The following BBS9 variants were observed in gnomAD, a reference collection of about 807,000 sequenced individuals.
BBS9 encodes the protein protein PTHB1.
BBS9 carries 89 observed loss-of-function variants against 117.7 expected under a neutral mutation model. The ratio of observed to expected loss-of-function variants is 0.76; its 90% CI spans 0.64 to 0.90. The LOEUF is 0.90. Ranked by LOEUF, BBS9 falls within the 40% of genes least tolerant of loss-of-function variation. The probability of loss-of-function intolerance (pLI) is 0.00; values close to 1 mark genes in which losing one functional copy is unlikely to be tolerated. For synonymous variants in BBS9, 379 were observed against 370.9 expected, an observed-to-expected ratio of 1.02 and a Z score of -0.25; for missense variants, 982 against 1,042.2, an observed-to-expected ratio of 0.94 and a Z score of 0.80.
intron 19 of BBS9, among the ~76,000 whole-genome samples, chr7:33,505,224 A>T (rs1315413888): frequency 1.3e-5 from 2 of 151,932 alleles, no homozygotes; most frequent in Non-Finnish European, 2.9e-5. Flanking sequence ...TGCTAAGCTT[A>T]TTTTGTGGAT....
intron 20 of BBS9, among the ~76,000 whole-genome samples, chr7:33,522,230 A>G (rs1232442242): frequency 1.3e-5 from 2 of 152,220 alleles, no homozygotes; most frequent in African/African-American, 4.8e-5. Context: ...TCTTTATAGC[A>G]GCAAGATTTA....
intron 21 of BBS9, among the ~76,000 whole-genome samples, chr7:33,597,640 C>T (rs538482882): frequency 5.7e-4 from 87 of 151,918 alleles, no homozygotes; most frequent in African/African-American, 1.9e-3. Context: ...CTAGTTAGGA[C>T]GGCCAACTCA....
In BBS9 at chr7:33,265,027, G is replaced by T. The variant is rs534636711; in HGVS notation, c.702+653G>T. 5.9e-5 allele frequency among the ~76,000 whole-genome samples: 9 copies of T among 152,234 alleles called. 1 individual carries two copies. In the South Asian group the frequency reaches 1.9e-3, roughly 32 times the overall value. On this transcript the variant is annotated intron_variant, in intron 7 of 22. Coordinates refer to ENST00000242067, the MANE Select transcript of BBS9 (RefSeq NM_198428.3). ...AGTTTGAAGAAAAATTGTAAATGAT[G>T]AATTCTCCATTTATTGTAAATTGGG...
intron 5 of BBS9, among the ~76,000 whole-genome samples, chr7:33,206,741 T>G (rs1051254346): frequency 1.3e-5 from 2 of 152,100 alleles, no homozygotes; most frequent in African/African-American, 4.8e-5. Flanking sequence ...AAATTCTAAT[T>G]TTGTCAATTG....
At chr7:33,317,500 G>A (rs965527214) in intron 9 of BBS9, among the ~76,000 whole-genome samples, 14 of 151,514 alleles carry the variant, frequency 9.2e-5, no homozygotes, top group Non-Finnish European at 1.5e-4. Flanking sequence ...TCTTTTTAAA[G>A]CATATTTCTG....
At chr7:33,498,868 G>A (rs187550580) in intron 19 of BBS9, among the ~76,000 whole-genome samples, 22 of 152,194 alleles carry the variant, frequency 1.4e-4, no homozygotes, top group Non-Finnish European at 2.5e-4. Context: ...TTTCTCTTGG[G>A]TGTATACCTA....
chr7:33,621,173 G>A (rs942025529), intron 21 of BBS9, among the ~76,000 whole-genome samples: 24 of 152,062 alleles, frequency 1.6e-4, no homozygotes, highest in African/African-American at 4.1e-4. Flanking sequence ...ATTTGGACAT[G>A]ACCACAACAG....
intron 9 of BBS9, among the ~76,000 whole-genome samples, chr7:33,322,884 C>T (rs1812034924): frequency 6.6e-6 from 1 of 152,004 alleles, no homozygotes. Flanking sequence ...CAGTAAAGTT[C>T]CCTTCTAGTA....
At chr7:33,245,221 G>C (rs1795145553) in intron 5 of BBS9, among the ~76,000 whole-genome samples, 1 of 131,114 alleles carries the variant, frequency 7.6e-6, no homozygotes, top group Admixed American at 8.3e-5. Context: ...AGAGTTCTCA[G>C]CCATGCTTCC....
intron 6 of BBS9, among the ~76,000 whole-genome samples, chr7:33,259,069 T>C (rs1024805): frequency 0.5 from 75,465 of 151,966 alleles, 19,104 homozygotes; most frequent in Admixed American, 0.57. Flanking sequence ...GTTGTACTTA[T>C]ATATGCTTTC....
At chr7:33,525,054 C>T (rs989784307) in intron 20 of BBS9, among the ~76,000 whole-genome samples, 603 of 151,590 alleles carry the variant, frequency 4.0e-3, no homozygotes, top group African/African-American at 0.013. Flanking sequence ...TGTAGTTGAG[C>T]GGTTTTGAGT....
chr7:33,626,206 A>G (rs1240732357), intron 21 of BBS9, among the ~76,000 whole-genome samples: 1 of 152,192 alleles, frequency 6.6e-6, no homozygotes, highest in Non-Finnish European at 1.5e-5. Context: ...CTGGCCATGT[A>G]AGACATGCTT....
intron 1 of BBS9, among the ~76,000 whole-genome samples, chr7:33,132,894 C>T (rs1337219555): frequency 6.6e-6 from 1 of 152,142 alleles, no homozygotes; most frequent in Non-Finnish European, 1.5e-5. Flanking sequence ...TGCTGACCTT[C>T]TGAATTTAAT....
At chr7:33,327,232 A>G (rs967001004) in intron 9 of BBS9, among the ~76,000 whole-genome samples, 1 of 152,194 alleles carries the variant, frequency 6.6e-6, no homozygotes, top group African/African-American at 2.4e-5. Context: ...CATATTATGT[A>G]GGGCCTTGAA....
intron 19 of BBS9, among the ~76,000 whole-genome samples, chr7:33,403,472 C>G (rs1433731960): frequency 8.8e-6 from 1 of 113,372 alleles, no homozygotes; most frequent in Non-Finnish European, 1.7e-5. Flanking sequence ...CCCCTCCCCC[C>G]ACCCCACAAC....
chr7:33,617,061 C>T (rs868333335), intron 21 of BBS9, among the ~76,000 whole-genome samples: 16 of 151,710 alleles, frequency 1.1e-4, no homozygotes, highest in Middle Eastern at 3.4e-3. Context: ...TTTAAATAAA[C>T]GGGTAGTATT....
At chr7:33,492,933 T>C (rs141191207) in intron 19 of BBS9, among the ~76,000 whole-genome samples, 3 of 151,838 alleles carry the variant, frequency 2.0e-5, no homozygotes, top group East Asian at 3.9e-4. Flanking sequence ...GTTTGAATCT[T>C]GGCATTGCTG....
chr7:33,531,826 C>G (rs748598857), intron 20 of BBS9, among the ~76,000 whole-genome samples: 2 of 152,206 alleles, frequency 1.3e-5, no homozygotes, highest in African/African-American at 2.4e-5. Flanking sequence ...GATTTTGGAT[C>G]TTGAAGACAG....
chr7:33,397,842 G>A (rs77630179), intron 19 of BBS9, among the ~76,000 whole-genome samples: 1 of 152,134 alleles, frequency 6.6e-6, no homozygotes, highest in Admixed American at 6.5e-5. Context: ...GGGAGGGAGA[G>A]CATCAGGAGG....
Sources: gnomAD v4.1 joint callset for allele counts (sites outside exome capture counted in the v4.1 genomes callset) on GRCh38, gnomAD v4.1.1 for gene constraint, MANE v1.5 for transcripts, NCBI Gene and HGNC (gene_info 2026-07-23, HGNC 2026-07-21) for gene names.